TALDO1: variants seen among roughly 807,000 people sequenced by gnomAD.
TALDO1 encodes transaldolase.
A neutral mutation model predicts 38.1 loss-of-function variants in TALDO1; 29 were observed. The ratio of observed to expected loss-of-function variants is 0.76; its 90% CI spans 0.57 to 1.04. The LOEUF (loss-of-function observed/expected upper bound fraction) is 1.04, where lower values mean the gene tolerates loss of function less well. Ranked by LOEUF, TALDO1 falls within the 50% of genes least tolerant of loss-of-function variation. TALDO1 has a pLI of 0.00. For missense variants in TALDO1, 499 were observed against 438.1 expected, an observed-to-expected ratio of 1.14 and a Z score of -1.24; for synonymous variants, 207 against 176.8, an observed-to-expected ratio of 1.17 and a Z score of -1.36.
chr11:759,786 T>TG (rs1452827873), intron 3 of TALDO1, among the ~76,000 whole-genome samples: 1 of 152,206 alleles, frequency 6.6e-6, no homozygotes, highest in African/African-American at 2.4e-5. Flanking sequence ...TTCACCATGT[T>TG]GGCCAGGATG....
At chr11:758,892 A>G in intron 2 of TALDO1, 58 bp from the exon 3 acceptor site, 1 of 1,462,544 alleles carries the variant, frequency 6.8e-7, no homozygotes, top group Admixed American at 1.7e-5. Context: ...GGCGTGAGCC[A>G]CCGCACCTGG....
chr11:749,689 T>C (rs764730640), intron 1 of TALDO1, among the ~76,000 whole-genome samples: 4 of 152,154 alleles, frequency 2.6e-5, no homozygotes, highest in Non-Finnish European at 5.9e-5. Flanking sequence ...TGAAACCCAT[T>C]TTTGCCCCAA....
intron 3 of TALDO1, among the ~76,000 whole-genome samples, chr11:759,692 G>A (rs1056798580): frequency 5.3e-5 from 8 of 152,190 alleles, no homozygotes; most frequent in Admixed American, 1.3e-4. Context: ...CGATTCTCCT[G>A]CCTCAGCCTC....
chr11:761,134 G>A (rs1213021579), intron 4 of TALDO1, among the ~76,000 whole-genome samples: 1 of 152,052 alleles, frequency 6.6e-6, no homozygotes, highest in Admixed American at 6.6e-5. Flanking sequence ...AGGAGTTCGA[G>A]ACCAGGCTGG....
chr11:750,661 A>G (rs1220194480), intron 1 of TALDO1, among the ~76,000 whole-genome samples: 2 of 151,896 alleles, frequency 1.3e-5, no homozygotes, highest in African/African-American at 4.8e-5. Flanking sequence ...CATCTCTACT[A>G]AAAATACAAA....
At chr11:752,549 A>G (rs1862768143) in intron 1 of TALDO1, 1 of 152,034 alleles carries the variant, frequency 6.6e-6, no homozygotes, top group Non-Finnish European at 1.5e-5. Flanking sequence ...GGCTGTCCAT[A>G]CTTCAGTCAT....
rs942358093 is a variant in TALDO1 at position 758,996 on chromosome 11, T to G, written c.268T>G (p.Leu90Val). 53 of 1,613,162 alleles carry G rather than the reference T, an allele frequency of 3.3e-5. No individual in the cohort carries two copies. Among genetic ancestry groups the G allele is most frequent in the Non-Finnish European group, 4.4e-5 (52 of 1,179,428 alleles). ...IKNAIDKLFV[L>V]FGAEILKKIP... ...AAATGCTATTGATAAACTTTTTGTGTTGTTTGGAGCAGAAATACTAAAGAA... is the reference window on the plus strand; with the variant it reads ...AAATGCTATTGATAAACTTTTTGTGGTGTTTGGAGCAGAAATACTAAAGAA... Residue 90 changes from leucine to valine, a missense_variant, in exon 3 of 8, where the codon TTG (leucine) becomes GTG (valine). Coordinates refer to ENST00000319006, the MANE Select transcript of TALDO1 (RefSeq NM_006755.2).
In TALDO1 at chr11:747,594, AGCCCGGGCGCGGC is replaced by A; in HGVS notation, c.97+19_97+31del. 1.9e-6 allele frequency: 3 copies of A among 1,554,642 alleles called. No homozygotes were observed. The highest frequency in any genetic ancestry group is 2.6e-6 in the Non-Finnish European group (3 of 1,152,868). On this transcript the variant is annotated intron_variant, in intron 1 of 7. Coordinates refer to ENST00000319006, the MANE Select transcript of TALDO1 (RefSeq NM_006755.2). ...GACTTCCACGGTGAGGACGGCGCGG[AGCCCGGGCGCGGC>A]GCAAGCGCCCTCCAGAGGCCCCGGC...
At chr11:755,635 C>T (rs1407362753) in intron 1 of TALDO1, 3 of 548,176 alleles carry the variant, frequency 5.5e-6, no homozygotes, top group East Asian at 3.4e-5. Flanking sequence ...TTACAGGTCA[C>T]CTCTTGCAGG....
intron 3 of TALDO1, 145 bp downstream of exon 3, chr11:759,202 A>C: frequency 5.8e-6 from 4 of 690,260 alleles, no homozygotes; most frequent in Non-Finnish European, 1.1e-5. Flanking sequence ...GCTCTCCCAC[A>C]GTTGGTAGTG....
At position 760,234 on chromosome 11, in the gene TALDO1, G is replaced by A; in HGVS notation, c.442G>A (p.Glu148Lys). Residue 148 changes from glutamate (E) to lysine (K), a missense_variant, in exon 4 of 8, where the codon GAA becomes AAA. By Grantham distance (56) the Glu-to-Lys change is moderately conservative. Coordinates refer to ENST00000319006, the MANE Select transcript of TALDO1 (RefSeq NM_006755.2). The part of the protein sequence containing the change: ...RILIKLSSTW[E>K]GIQAGKELEE... The stretch of plus-strand genomic sequence containing the variant: ...TCTTATAAAGCTGTCATCAACCTGG[G>A]AAGGAATTCAGGCTGGAAAGTAAGT... 6.2e-7 allele frequency: 1 copy of A among 1,614,146 alleles called. No homozygotes were observed. Among genetic ancestry groups the A allele is most frequent in the Non-Finnish European group, 8.5e-7 (1 of 1,180,004 alleles).
intron 1 of TALDO1, among the ~76,000 whole-genome samples, chr11:754,615 G>A (rs1344153835): frequency 6.6e-6 from 1 of 152,012 alleles, no homozygotes; most frequent in Non-Finnish European, 1.5e-5. Context: ...GGGATTACGG[G>A]CATGTGTCAC....
intron 1 of TALDO1, among the ~76,000 whole-genome samples, chr11:751,866 A>G (rs1862757550): frequency 6.6e-6 from 1 of 152,130 alleles, no homozygotes; most frequent in Non-Finnish European, 1.5e-5. Flanking sequence ...GCATGCATGC[A>G]TGTGTGTGTA....
At chr11:757,686 T>C (rs1401696906) in intron 2 of TALDO1, among the ~76,000 whole-genome samples, 1 of 152,240 alleles carries the variant, frequency 6.6e-6, no homozygotes, top group African/African-American at 2.4e-5. Flanking sequence ...AACAGAATCA[T>C]GGACTTCACT....
intron 5 of TALDO1, 86 bp downstream of exon 5, chr11:763,605 T>C (rs926607081): frequency 6.3e-7 from 1 of 1,589,136 alleles, no homozygotes; most frequent in South Asian, 1.1e-5. Context: ...AGCTGCCGCA[T>C]CAACAAGCAG....
rs752738551 is a variant in TALDO1, at chr11:764,450, G to A, written c.981+17G>A. The stretch of plus-strand genomic sequence containing the variant: ...ATGCTGACAGTGAGTGTTGTGTGTG[G>A]GTACCTACATATGCCAAGCCCTATG... On this transcript the variant is annotated intron_variant, in intron 7 of 7. Coordinates refer to ENST00000319006, the MANE Select transcript of TALDO1 (RefSeq NM_006755.2). 1 of 1,608,882 alleles carries A rather than the reference G, an allele frequency of 6.2e-7. No individual in the cohort carries two copies. The highest frequency in any genetic ancestry group is 8.5e-7 in the Non-Finnish European group (1 of 1,176,670).
chr11:763,942 C>A lies in TALDO1; in HGVS notation c.833C>A (p.Ala278Glu), dbSNP rs766902187. ...CTGGTGCCTGTGCTCTCAGCCAAGG[C>A]GGGTGAGGCCCCACTGCCCAGCTGT... ...AKLVPVLSAK[A>E]AQASDLEKIH... Residue 278 changes from alanine to glutamate, a missense_variant and splice_region_variant, in exon 6 of 8, where the codon GCG becomes GAG. Ala to Glu is a moderately radical substitution (Grantham distance 107). Transcript: ENST00000319006. 1 of 1,607,672 alleles carries A rather than the reference C, an allele frequency of 6.2e-7. No individual in the cohort carries two copies. The highest frequency in any genetic ancestry group is 1.1e-5 in the South Asian group (1 of 90,996).
chr11:754,166 G>C (rs1176785800), intron 1 of TALDO1, among the ~76,000 whole-genome samples: 1 of 151,768 alleles, frequency 6.6e-6, no homozygotes, highest in Admixed American at 6.6e-5. Flanking sequence ...TATATTTTTA[G>C]TAGGGACAGG....
chr11:758,163 A>G (rs1273080104), intron 2 of TALDO1, among the ~76,000 whole-genome samples: 1 of 152,198 alleles, frequency 6.6e-6, no homozygotes, highest in Admixed American at 6.5e-5. Context: ...GGGCGCCTGT[A>G]GTCCCAGCTA....
Sources: allele counts gnomAD v4.1 joint callset (sites outside exome capture counted in the v4.1 genomes callset), GRCh38; gene constraint gnomAD v4.1.1; transcripts MANE v1.5; gene names NCBI Gene and HGNC (gene_info 2026-07-23, HGNC 2026-07-21).